The following KCNG3 variants were observed in gnomAD, a reference collection of about 807,000 sequenced individuals.
The protein encoded by KCNG3 is potassium voltage-gated channel modifier subfamily G member 3.
In KCNG3, 15 loss-of-function variants were observed where a neutral mutation model predicts 29.0. That is an observed-to-expected ratio of 0.52 (90% CI 0.35 to 0.80). The LOEUF (loss-of-function observed/expected upper bound fraction) is 0.80. Among genes scored for constraint, KCNG3 ranks in the 30% least tolerant of loss-of-function variants. The pLI is 0.01. For missense variants in KCNG3, 512 were observed against 605.7 expected (o/e 0.85, Z 1.62); for synonymous variants, 322 against 248.9 (o/e 1.29, Z -2.76).
intron 1 of KCNG3, among the ~76,000 whole-genome samples, chr2:42,454,037 A>G (rs1279747263): frequency 6.6e-6 from 1 of 151,862 alleles, no homozygotes; most frequent in African/African-American, 2.4e-5. Flanking sequence ...GATGCCCAAC[A>G]TTATTAATCA....
At chr2:42,417,736 G>T in the KCNG3 span, among the ~76,000 whole-genome samples, 1 of 152,086 alleles carries the variant, frequency 6.6e-6, no homozygotes, top group African/African-American at 2.4e-5. Flanking sequence ...ACTTTGGGAG[G>T]CCAAGGCAGG....
intron 1 of KCNG3, among the ~76,000 whole-genome samples, chr2:42,489,637 A>C (rs1033925450): frequency 6.6e-6 from 1 of 152,204 alleles, no homozygotes; most frequent in East Asian, 1.9e-4. Flanking sequence ...TCAAGAGAGG[A>C]ATAGAATCTG....
In KCNG3 at chr2:42,493,532, G is replaced by A; in HGVS notation, c.-31C>T. ...GCCGCCCGGGGGACTTTCGGCCCGA[G>A]GGCCCCGCTGCAGCCCCCCACCCCA... is the stretch of plus-strand genomic sequence containing the variant. On this transcript the variant is annotated 5_prime_UTR_variant, in exon 1 of 2. Transcript: ENST00000306078. 2.2e-6 allele frequency: 3 copies of A among 1,337,182 alleles called. No homozygotes were observed. Among genetic ancestry groups the A allele is most frequent in the Non-Finnish European group, 2.9e-6 (3 of 1,051,432 alleles). 82.8% of individuals were successfully genotyped at this position (1,337,182 alleles called of 1,614,324 possible). A position where few individuals can be genotyped will look rare whatever the true frequency, so the allele number is the denominator to read the frequency against.
chr2:42,457,198 C>G (rs1672897650), intron 1 of KCNG3, among the ~76,000 whole-genome samples: 1 of 151,986 alleles, frequency 6.6e-6, no homozygotes, highest in South Asian at 2.1e-4. Flanking sequence ...AGAGAATTGA[C>G]TAGTGGCCAA....
chr2:42,394,443 C>T, the KCNG3 span, among the ~76,000 whole-genome samples: 1 of 152,228 alleles, frequency 6.6e-6, no homozygotes, highest in South Asian at 2.1e-4. Flanking sequence ...ACCTGTATTA[C>T]TTAGCTCAGG....
chr2:42,431,454 T>C, the KCNG3 span, among the ~76,000 whole-genome samples: 1 of 152,206 alleles, frequency 6.6e-6, no homozygotes, highest in Non-Finnish European at 1.5e-5. Flanking sequence ...ACAAGATTTA[T>C]TTAAAATGTA....
At chr2:42,427,920 A>G in the KCNG3 span, among the ~76,000 whole-genome samples, 1 of 152,190 alleles carries the variant, frequency 6.6e-6, no homozygotes, top group Non-Finnish European at 1.5e-5. Flanking sequence ...TGGTACATTA[A>G]CATGTAAGCC....
At chr2:42,413,399 T>C in the KCNG3 span, among the ~76,000 whole-genome samples, 2 of 152,166 alleles carry the variant, frequency 1.3e-5, no homozygotes, top group Admixed American at 1.3e-4. Context: ...GGATATAGAT[T>C]GGCCATCTTG....
chr2:42,493,068 G>A lies in KCNG3; in HGVS notation c.434C>T (p.Ala145Val), dbSNP rs1424830261. The A allele has an allele frequency of 6.5e-7, 1 of 1,540,054 alleles. No homozygotes were observed. The highest frequency in any genetic ancestry group is 8.7e-7 in the Non-Finnish European group (1 of 1,147,282). The change falls in exon 1 of 2, where the codon GCC becomes GTC. Residue 145 changes from alanine to valine, a missense_variant. Physicochemically the swap from Ala to Val is moderately conservative, Grantham distance 64. This residue lies in a region of KCNG3 where 228 missense variants were observed against 200.0 expected (regional missense o/e 1.14). Coordinates refer to ENST00000306078, the MANE Select transcript of KCNG3 (RefSeq NM_133329.6). ...LGRDEARPGG[A>V]EAAPSRRWLE... Reference sequence around the variant, plus strand: ...CCAGCGCCTGGAGGGAGCCGCCTCGGCCCCGCCGGGGCGCGCCTCGTCGCG... The same window carrying A: ...CCAGCGCCTGGAGGGAGCCGCCTCGACCCCGCCGGGGCGCGCCTCGTCGCG...
intron 1 of KCNG3, among the ~76,000 whole-genome samples, chr2:42,473,449 A>C (rs918180791): frequency 1.3e-5 from 2 of 151,548 alleles, no homozygotes; most frequent in Non-Finnish European, 2.9e-5. Flanking sequence ...TCCCAGGTTC[A>C]AGGGATTCTC....
the KCNG3 span, among the ~76,000 whole-genome samples, chr2:42,389,628 AAC>A: frequency 2.3e-4 from 35 of 152,354 alleles, no homozygotes; most frequent in Admixed American, 1.4e-3. Context: ...AGTTTCTGAA[AAC>A]ACCTCACCCA....
chr2:42,417,071 A>C, the KCNG3 span, among the ~76,000 whole-genome samples: 1 of 151,944 alleles, frequency 6.6e-6, no homozygotes, highest in South Asian at 2.1e-4. Flanking sequence ...CAACATGGTG[A>C]AACCCTACTA....
rs150923752 is a variant in KCNG3, at chr2:42,468,885, C to T, written c.665+23952G>A. On this transcript the variant is annotated intron_variant, in intron 1 of 1. Transcript: ENST00000306078. Reference sequence around the variant, plus strand: ...CAGAGAATTGCTTGAACCTGGGAGGCGGAGGTTTCAGTGAGTCGAGATCAT... The same window carrying T: ...CAGAGAATTGCTTGAACCTGGGAGGTGGAGGTTTCAGTGAGTCGAGATCAT... Among the ~76,000 whole-genome samples, 321 of 125,516 alleles carry T rather than the reference C, an allele frequency of 2.6e-3. 17 individuals carry two copies. The South Asian group carries it at 0.045, about 18-fold the overall frequency. The allele number at this position is 125,516 out of a possible 152,430, so 82.3% of individuals were successfully genotyped here.
chr2:42,413,953 A>G, the KCNG3 span, among the ~76,000 whole-genome samples: 1 of 152,158 alleles, frequency 6.6e-6, no homozygotes, highest in South Asian at 2.1e-4. Flanking sequence ...CCATATCAGT[A>G]TTTTTCCAGC....
chr2:42,459,698 C>T (rs1572848710), intron 1 of KCNG3, among the ~76,000 whole-genome samples: 1 of 152,004 alleles, frequency 6.6e-6, no homozygotes, highest in South Asian at 2.1e-4. Flanking sequence ...TGTTATCGGC[C>T]GGGCGTGGTG....
the KCNG3 span, among the ~76,000 whole-genome samples, chr2:42,410,917 T>C: frequency 0.15 from 22,220 of 152,200 alleles, 1,669 homozygotes; most frequent in East Asian, 0.18. Context: ...AGTACTTTTA[T>C]GGCTTTATGT....
chr2:42,438,874 G>C (rs1205641026), downstream of KCNG3, among the ~76,000 whole-genome samples: 1 of 149,164 alleles, frequency 6.7e-6, no homozygotes, highest in Non-Finnish European at 1.5e-5. Context: ...AGGTTTCTGA[G>C]TGCAGATGGG....
chr2:42,454,530 G>A (rs887830443), intron 1 of KCNG3, among the ~76,000 whole-genome samples: 1 of 152,058 alleles, frequency 6.6e-6, no homozygotes, highest in African/African-American at 2.4e-5. Context: ...TGGCCAACAT[G>A]GCAAAACCTC....
the KCNG3 span, among the ~76,000 whole-genome samples, chr2:42,393,883 C>A: frequency 1.3e-5 from 2 of 151,888 alleles, no homozygotes; most frequent in African/African-American, 4.8e-5. Flanking sequence ...CAGGTTCAAG[C>A]AATTCTCCTG....
Sources: allele counts gnomAD v4.1 joint callset (sites outside exome capture counted in the v4.1 genomes callset), GRCh38; gene constraint gnomAD v4.1.1; regional missense constraint gnomAD v4.1.1; transcripts MANE v1.5; gene names NCBI Gene and HGNC (gene_info 2026-07-23, HGNC 2026-07-21).